STRBP: variants seen among roughly 807,000 people sequenced by gnomAD.
STRBP encodes spermatid perinuclear RNA-binding protein.
A neutral mutation model predicts 80.1 loss-of-function variants in STRBP; 13 were observed. That is an observed-to-expected ratio of 0.16 (90% CI 0.11 to 0.26). STRBP has a LOEUF of 0.26. STRBP is among the 10% of genes least tolerant of loss of function. STRBP has a pLI of 1.00. For missense variants in STRBP, 485 were observed against 815.2 expected (o/e 0.59, Z 4.93); for synonymous variants, 284 against 291.2 (o/e 0.98, Z 0.25).
At chr9:123,263,204 G>A (rs575238007) in intron 1 of STRBP, among the ~76,000 whole-genome samples, 5 of 152,260 alleles carry the variant, frequency 3.3e-5, no homozygotes, top group South Asian at 2.1e-4. Flanking sequence ...AGTAGATCAC[G>A]TAGCAAAGAA....
intron 1 of STRBP, among the ~76,000 whole-genome samples, chr9:123,256,231 T>C (rs1213208459): frequency 2.0e-5 from 3 of 151,780 alleles, no homozygotes; most frequent in Non-Finnish European, 2.9e-5. Context: ...GTTGTCCAGG[T>C]TGGTCTCGAA....
intron 1 of STRBP, among the ~76,000 whole-genome samples, chr9:123,240,572 T>C (rs1010551400): frequency 3.9e-5 from 6 of 152,366 alleles, no homozygotes; most frequent in African/African-American, 9.6e-5. Flanking sequence ...AGAGAAGGCA[T>C]TGATAGAATT....
intron 1 of STRBP, among the ~76,000 whole-genome samples, 173 bp from the exon 2 acceptor site, chr9:123,237,139 TAAC>T (rs2040585716): frequency 6.6e-6 from 1 of 152,038 alleles, no homozygotes; most frequent in Non-Finnish European, 1.5e-5. Flanking sequence ...TCCATCTCAA[TAAC>T]AACAACAAAA....
rs1017040908 is a variant in STRBP, at chr9:123,180,247, C to G, written c.4-1020G>C. Among the ~76,000 whole-genome samples, 3 of 152,076 alleles carry G rather than the reference C, an allele frequency of 2.0e-5. No homozygotes were observed. The South Asian group carries it at 6.2e-4, about 32-fold the overall frequency. ...TCCAACCTGGGCAACAGAGTAAGAC[C>G]CAGGTCTCTATTTAAATTTTAGAAT... is the stretch of plus-strand genomic sequence containing the variant. On this transcript the variant is annotated intron_variant, in intron 3 of 18. Transcript: ENST00000348403.
intron 13 of STRBP, among the ~76,000 whole-genome samples, chr9:123,144,836 T>C (rs1302730828): frequency 6.6e-6 from 1 of 152,220 alleles, no homozygotes; most frequent in African/African-American, 2.4e-5. Context: ...ACCTGAGATG[T>C]TAGAGGCCTA....
intron 2 of STRBP, among the ~76,000 whole-genome samples, chr9:123,223,848 T>C (rs1208187559): frequency 6.6e-6 from 1 of 152,168 alleles, no homozygotes; most frequent in East Asian, 1.9e-4. Flanking sequence ...CAACATTTCT[T>C]TGCGGGATAA....
At chr9:123,147,076 G>T in intron 12 of STRBP, 22 bp from the exon 13 acceptor site, 1 of 1,586,800 alleles carries the variant, frequency 6.3e-7, no homozygotes, top group Non-Finnish European at 8.6e-7. Context: ...AGAGGAATGA[G>T]GTCAGAAATT....
At chr9:123,256,908 T>C (rs577012019) in intron 1 of STRBP, among the ~76,000 whole-genome samples, 3 of 152,226 alleles carry the variant, frequency 2.0e-5, no homozygotes, top group African/African-American at 7.2e-5. Flanking sequence ...CTTTTTTTTT[T>C]TTTTTTGGTC....
intron 6 of STRBP, among the ~76,000 whole-genome samples, chr9:123,165,196 G>T (rs1334331281): frequency 6.7e-6 from 1 of 150,254 alleles, no homozygotes; most frequent in Non-Finnish European, 1.5e-5. Context: ...CAGGAGAATC[G>T]CTTGAACCCG....
At chr9:123,193,885 GA>G in intron 2 of STRBP, among the ~76,000 whole-genome samples, 1 of 151,672 alleles carries the variant, frequency 6.6e-6, no homozygotes, top group East Asian at 1.9e-4. Context: ...ATATAACTAA[GA>G]AAAAAAAGTA....
chr9:123,122,379 T>C lies in STRBP; in HGVS notation c.*3218A>G, dbSNP rs766331013. The C allele has an allele frequency of 2.4e-5, 30 of 1,274,800 alleles. No individual in the cohort carries two copies. The highest frequency in any genetic ancestry group is 2.9e-5 in the Non-Finnish European group (29 of 983,602). 79.0% of individuals were successfully genotyped at this position (1,274,800 alleles called of 1,614,324 possible). On this transcript the variant is annotated 3_prime_UTR_variant, in exon 19 of 19. Coordinates refer to ENST00000348403, the MANE Select transcript of STRBP (RefSeq NM_018387.5). ...GTTTTAAAAATACATTAACGAGGTA[T>C]TCCCAGCTCTTCAATTAATAATGGT...
At chr9:123,265,054 C>CA (rs2041239484) in intron 1 of STRBP, among the ~76,000 whole-genome samples, 2 of 152,120 alleles carry the variant, frequency 1.3e-5, no homozygotes, top group South Asian at 4.2e-4. Context: ...TCAAAATACT[C>CA]AGAGTTTCAA....
At chr9:123,144,425 T>C (rs961982616) in intron 13 of STRBP, among the ~76,000 whole-genome samples, 1 of 152,140 alleles carries the variant, frequency 6.6e-6, no homozygotes, top group African/African-American at 2.4e-5. Context: ...CAAAGGAACA[T>C]ATAAAATAAT....
intron 2 of STRBP, among the ~76,000 whole-genome samples, chr9:123,191,269 G>A (rs183805362): frequency 6.6e-6 from 1 of 152,120 alleles, no homozygotes; most frequent in African/African-American, 2.4e-5. Flanking sequence ...AAGACTTGAT[G>A]GGGTTAACAG....
intron 18 of STRBP, among the ~76,000 whole-genome samples, chr9:123,127,193 C>A (rs558413407): frequency 1.3e-5 from 2 of 152,160 alleles, no homozygotes; most frequent in Non-Finnish European, 2.9e-5. Context: ...TCCACAGTTA[C>A]GAAATCAGAT....
At chr9:123,146,421 G>A (rs1052858143) in intron 13 of STRBP, among the ~76,000 whole-genome samples, 6 of 150,588 alleles carry the variant, frequency 4.0e-5, no homozygotes, top group South Asian at 2.1e-4. Context: ...CATGTTAATC[G>A]TACCGCCATT....
rs774022336 is a variant in STRBP at position 123,136,335 on chromosome 9, T to A, written c.1632+46A>T. ...TTTACATTAAGTTCAGGATATCCTA[T>A]GTCTTTGAGAAGAAAGATAAGGCTG... On this transcript the variant is annotated intron_variant, in intron 15 of 18. Coordinates refer to ENST00000348403, the MANE Select transcript of STRBP (RefSeq NM_018387.5). The surrounding 1 kb of genome is among the most constrained non-coding windows in gnomAD (Gnocchi z 4.2). 4 of 1,609,512 alleles carry A rather than the reference T, an allele frequency of 2.5e-6. No homozygotes were observed. In the East Asian group the frequency reaches 6.7e-5, roughly 27 times the overall value.
At chr9:123,118,932 C>T (rs773574565), downstream of STRBP, among the ~76,000 whole-genome samples, 3 of 152,170 alleles carry the variant, frequency 2.0e-5, no homozygotes, top group Non-Finnish European at 2.9e-5. Context: ...CATCATGTAC[C>T]CATTTTCCTC....
Position 123,225,031 on chromosome 9 carries a change from G to T in STRBP, c.-165+11799C>A, listed in dbSNP as rs12238856. Among the ~76,000 whole-genome samples the T allele has an allele frequency of 1.7e-3, 255 of 152,310 alleles. 9 individuals are homozygous for T. In the East Asian group the frequency reaches 0.045, roughly 27 times the overall value. ...AAACAATATGAAATCAACAAAAAATGAAGTCCACAAATATTGAAAGAAATG... is the reference window on the plus strand; with the variant it reads ...AAACAATATGAAATCAACAAAAAATTAAGTCCACAAATATTGAAAGAAATG... On this transcript the variant is annotated intron_variant, in intron 2 of 18. Coordinates refer to ENST00000348403, the MANE Select transcript of STRBP (RefSeq NM_018387.5).
Sources: allele counts gnomAD v4.1 joint callset (sites outside exome capture counted in the v4.1 genomes callset), GRCh38; gene constraint gnomAD v4.1.1; non-coding constraint Gnocchi (gnomAD v3.1); transcripts MANE v1.5; gene names NCBI Gene and HGNC (gene_info 2026-07-23, HGNC 2026-07-21).